The following MEMO1 variants were observed in gnomAD, a reference collection of about 807,000 sequenced individuals.
MEMO1 encodes mediator of cell motility 1.
Under a neutral mutation model 45.2 loss-of-function variants are expected in MEMO1, and 6 were observed. The ratio of observed to expected loss-of-function variants is 0.13; its 90% CI spans 0.07 to 0.26. MEMO1 has a LOEUF of 0.26. Among genes scored for constraint, MEMO1 ranks in the 10% least tolerant of loss-of-function variants. The pLI is 1.00. For missense variants in MEMO1, 184 were observed against 370.5 expected (o/e 0.50, Z 4.13); for synonymous variants, 78 against 124.3 (o/e 0.63, Z 2.48).
At chr2:31,988,198 A>C (rs1017707636) in intron 2 of MEMO1, among the ~76,000 whole-genome samples, 4 of 152,184 alleles carry the variant, frequency 2.6e-5, no homozygotes, top group Non-Finnish European at 5.9e-5. Flanking sequence ...TTTGAGAATA[A>C]TACTAAAATA....
At chr2:31,921,822 A>C (rs1410698651) in intron 4 of MEMO1, among the ~76,000 whole-genome samples, 1 of 152,172 alleles carries the variant, frequency 6.6e-6, no homozygotes. Context: ...TTCAAGTAGA[A>C]GTCATTCTCA....
At chr2:31,939,981 C>A (rs1032903034) in intron 3 of MEMO1, among the ~76,000 whole-genome samples, 1 of 152,166 alleles carries the variant, frequency 6.6e-6, no homozygotes, top group Admixed American at 6.5e-5. Context: ...TTCCACATTG[C>A]CAAATCCAAT....
intron 3 of MEMO1, among the ~76,000 whole-genome samples, chr2:31,935,611 C>G (rs1322763482): frequency 6.6e-6 from 1 of 152,098 alleles, no homozygotes; most frequent in Non-Finnish European, 1.5e-5. Flanking sequence ...AACTCTACTT[C>G]ATCAAAGGAG....
At chr2:31,923,506 C>A in intron 4 of MEMO1, 2 of 995,058 alleles carry the variant, frequency 2.0e-6, no homozygotes, top group Non-Finnish European at 2.7e-6. Flanking sequence ...AAAGATAGCA[C>A]TCTGGTCACC....
rs397800267 is a variant in MEMO1 at position 31,993,949 on chromosome 2, C to CTTTTTT, written c.61+16232_61+16237dup. Among the ~76,000 whole-genome samples the CTTTTTT allele has an allele frequency of 6.7e-4, 49 of 73,614 alleles. 2 individuals are homozygous for CTTTTTT. Among genetic ancestry groups the CTTTTTT allele is most frequent in the South Asian group, 2.6e-3 (4 of 1,546 alleles). 48.3% of individuals were successfully genotyped at this position (73,614 alleles called of 152,430 possible). On this transcript the variant is annotated intron_variant, in intron 2 of 9. Coordinates refer to ENST00000404530, the MANE Select transcript of MEMO1 (RefSeq NM_001301833.4). The stretch of plus-strand genomic sequence containing the variant: ...AATACAGAAATATCATCAATACTTT[C>CTTTTTT]TTTTTTTTTTTTTTTTTTTTTTTTT...
intron 6 of MEMO1, among the ~76,000 whole-genome samples, chr2:31,895,073 T>C (rs189276740): frequency 7.4e-4 from 113 of 152,294 alleles, no homozygotes; most frequent in African/African-American, 2.6e-3. Context: ...TGACCACACA[T>C]AGTGGGAGAG....
intron 2 of MEMO1, among the ~76,000 whole-genome samples, chr2:31,990,384 C>T (rs1430338695): frequency 1.3e-5 from 2 of 151,960 alleles, no homozygotes; most frequent in African/African-American, 2.4e-5. Context: ...TTTATTATTG[C>T]TATTTTTAAA....
At chr2:31,919,961 TGTGTGTGTGTGTGTGTACATGC>T (rs1682040068) in intron 5 of MEMO1, among the ~76,000 whole-genome samples, 1 of 151,348 alleles carries the variant, frequency 6.6e-6, no homozygotes, top group Non-Finnish European at 1.5e-5. Context: ...TGTGTGTGTG[TGTGTGTGTGTGTGTGTACATGC>T]GTGTGTGTGA....
chr2:31,903,825 T>C (rs1313353205), intron 6 of MEMO1, among the ~76,000 whole-genome samples: 2 of 152,108 alleles, frequency 1.3e-5, no homozygotes, highest in Admixed American at 1.3e-4. Flanking sequence ...AAAGAAAACA[T>C]TTGAAAAATG....
intron 3 of MEMO1, among the ~76,000 whole-genome samples, chr2:31,940,848 CTCT>C (rs1034231650): frequency 1.3e-5 from 2 of 152,108 alleles, no homozygotes; most frequent in Admixed American, 6.6e-5. Flanking sequence ...TCATTCTTGA[CTCT>C]TCTTCTCTCT....
At chr2:31,952,482 G>A (rs1666951797) in intron 2 of MEMO1, among the ~76,000 whole-genome samples, 1 of 152,048 alleles carries the variant, frequency 6.6e-6, no homozygotes, top group South Asian at 2.1e-4. Flanking sequence ...TACAAATTTG[G>A]AGAATCACAG....
At chr2:31,879,198 C>G (rs1674997613) in intron 8 of MEMO1, among the ~76,000 whole-genome samples, 1 of 152,174 alleles carries the variant, frequency 6.6e-6, no homozygotes, top group South Asian at 2.1e-4. Flanking sequence ...TAAGCTGATT[C>G]CACTGAAACT....
intron 2 of MEMO1, among the ~76,000 whole-genome samples, chr2:31,996,887 T>A (rs1424790185): frequency 6.6e-6 from 1 of 152,102 alleles, no homozygotes; most frequent in Non-Finnish European, 1.5e-5. Context: ...TGAACTACTA[T>A]GCCCAGCAGA....
intron 7 of MEMO1, among the ~76,000 whole-genome samples, chr2:31,885,059 T>C (rs1353990339): frequency 6.6e-6 from 1 of 152,240 alleles, no homozygotes; most frequent in Non-Finnish European, 1.5e-5. Flanking sequence ...AGAATGTATA[T>C]ATTAATACTT....
chr2:31,990,935 A>C (rs1671871331), intron 2 of MEMO1, among the ~76,000 whole-genome samples: 1 of 152,154 alleles, frequency 6.6e-6, no homozygotes, highest in South Asian at 2.1e-4. Context: ...GAATCACCTT[A>C]ATGAATGTGT....
At chr2:31,964,709 CAAAT>C (rs1197014821) in intron 2 of MEMO1, among the ~76,000 whole-genome samples, 3 of 150,892 alleles carry the variant, frequency 2.0e-5, no homozygotes, top group African/African-American at 2.4e-5. Context: ...CTCAAAAAAA[CAAAT>C]AAATAAATAA....
chr2:31,925,492 A>AAAAAAAGAAAG (rs1351693890), intron 4 of MEMO1, among the ~76,000 whole-genome samples: 42 of 133,940 alleles, frequency 3.1e-4, no homozygotes, highest in African/African-American at 1.1e-3. Context: ...AAAAAAAAAA[A>AAAAAAAGAAAG]AAAAAAATCT....
chr2:31,892,051 C>T lies in MEMO1; in HGVS notation c.521G>A (p.Ser174Asn). The T allele has an allele frequency of 1.9e-6, 3 of 1,612,816 alleles. No individual in the cohort carries two copies. The highest frequency in any genetic ancestry group is 2.5e-6 in the Non-Finnish European group (3 of 1,179,508). Residue 174 changes from serine to asparagine, a missense_variant, in exon 7 of 10, where the codon AGT (serine) becomes AAT (asparagine). Physicochemically the swap from Ser to Asn is conservative, Grantham distance 46. Around this residue, in one of 3 missense-constraint regions of MEMO1, gnomAD observed 97 missense variants for 209.3 expected, o/e 0.46. Transcript: ENST00000404530. The stretch of plus-strand genomic sequence containing the variant: ...ATTACTAGGATCCGCTAGATATTTA[C>T]TGAAGAGTTTTCCGAATTCCTGTTC... ...SKEQEFGKLFSKYLADPSNLF... is the reference protein window; with the variant it reads ...SKEQEFGKLFNKYLADPSNLF...
In MEMO1 at chr2:31,932,093, A is replaced by G; in HGVS notation, c.186T>C (p.Ala62=). 6.2e-7 allele frequency: 1 copy of G among 1,613,766 alleles called. No homozygotes were observed. Among genetic ancestry groups the G allele is most frequent in the Non-Finnish European group, 8.5e-7 (1 of 1,179,822 alleles). ...YTYCGSCAAH[A]YKQVDPSITR... ...TAATAGACGGATCCACTTGTTTATAAGCATGGGCAGCACAAGACCCACAGT... is the reference window on the plus strand; with the variant it reads ...TAATAGACGGATCCACTTGTTTATAGGCATGGGCAGCACAAGACCCACAGT... Residue 62 remains alanine, a synonymous_variant, in exon 4 of 10, where the codon GCT becomes GCC. Coordinates refer to ENST00000404530, the MANE Select transcript of MEMO1 (RefSeq NM_001301833.4).
Sources: allele counts gnomAD v4.1 joint callset (sites outside exome capture counted in the v4.1 genomes callset), GRCh38; gene constraint gnomAD v4.1.1; regional missense constraint gnomAD v4.1.1; transcripts MANE v1.5; gene names NCBI Gene and HGNC (gene_info 2026-07-23, HGNC 2026-07-21).